PPP4R2: variants seen among roughly 807,000 people sequenced by gnomAD.
The protein encoded by PPP4R2 is serine/threonine-protein phosphatase 4 regulatory subunit 2.
Under a neutral mutation model 47.2 loss-of-function variants are expected in PPP4R2, and 13 were observed. The ratio of observed to expected loss-of-function variants is 0.28; its 90% CI spans 0.18 to 0.44. The LOEUF is 0.44. PPP4R2 is among the 20% of genes least tolerant of loss of function. PPP4R2 has a pLI of 1.00. For missense variants in PPP4R2, 421 were observed against 491.2 expected, an observed-to-expected ratio of 0.86 and a Z score of 1.35; for synonymous variants, 151 against 163.3, an observed-to-expected ratio of 0.92 and a Z score of 0.57.
At chr3:73,009,744 C>G (rs1483469659) in intron 2 of PPP4R2, among the ~76,000 whole-genome samples, 96 of 152,324 alleles carry the variant, frequency 6.3e-4, no homozygotes, top group Non-Finnish European at 1.0e-4. Context: ...TAGCAAAAAA[C>G]TGAATCGCTG....
intron 3 of PPP4R2, among the ~76,000 whole-genome samples, chr3:73,054,927 A>C (rs1346442620): frequency 6.6e-6 from 1 of 152,156 alleles, no homozygotes; most frequent in Non-Finnish European, 1.5e-5. Context: ...TTGCTACTTT[A>C]TGTTAAGATG....
chr3:73,062,545 A>T (rs1181703933), intron 5 of PPP4R2: 3 of 1,613,992 alleles, frequency 1.9e-6, no homozygotes, highest in Admixed American at 3.3e-5. Context: ...GTGGTTGGGA[A>T]TGAGAACGAG....
chr3:72,997,965 T>A (rs1701384212), intron 1 of PPP4R2, 112 bp from the exon 2 acceptor site: 1 of 775,086 alleles, frequency 1.3e-6, no homozygotes, highest in African/African-American at 1.8e-5. Flanking sequence ...GGCCTTATTT[T>A]TTTAATTTTG....
chr3:73,044,295 A>G (rs113441005), intron 2 of PPP4R2, among the ~76,000 whole-genome samples: 84 of 152,264 alleles, frequency 5.5e-4, no homozygotes, highest in African/African-American at 1.6e-3. Context: ...CCTACCAGCA[A>G]TGCACAAGAG....
At chr3:73,037,164 G>GA (rs1416035432) in intron 2 of PPP4R2, among the ~76,000 whole-genome samples, 2 of 151,970 alleles carry the variant, frequency 1.3e-5, no homozygotes, top group African/African-American at 4.8e-5. Context: ...CTACACCCAA[G>GA]AAAAAAATTC....
chr3:73,062,414 A>C (rs756136152), intron 5 of PPP4R2: 15 of 1,611,290 alleles, frequency 9.3e-6, no homozygotes, highest in Admixed American at 1.7e-5. Context: ...AGTCTATGCT[A>C]GACCCAGCAC....
intron 2 of PPP4R2, among the ~76,000 whole-genome samples, chr3:73,003,761 C>G (rs528382624): frequency 1.7e-4 from 26 of 151,832 alleles, no homozygotes; most frequent in Non-Finnish European, 3.1e-4. Flanking sequence ...TGCAGTGGTG[C>G]GATCTTGACT....
At chr3:73,018,452 T>TATTATG in intron 2 of PPP4R2, among the ~76,000 whole-genome samples, 1 of 96,506 alleles carries the variant, frequency 1.0e-5, no homozygotes, top group Non-Finnish European at 2.3e-5. Context: ...TGTTATGTTA[T>TATTATG]TTATGTTATG....
chr3:73,060,657 A>C (rs1324874496), intron 4 of PPP4R2, among the ~76,000 whole-genome samples: 1 of 152,208 alleles, frequency 6.6e-6, no homozygotes, highest in African/African-American at 2.4e-5. Flanking sequence ...TTGCTTTGTA[A>C]GGAAAATCAA....
At chr3:73,063,639 A>C (rs1385229659) in intron 5 of PPP4R2, 34 bp from the exon 6 acceptor site, 5 of 1,314,288 alleles carry the variant, frequency 3.8e-6, no homozygotes, top group Non-Finnish European at 5.5e-6. Flanking sequence ...AAAAAAAATT[A>C]AGTCATCCAC....
At chr3:73,035,590 A>T (rs1702246465) in intron 2 of PPP4R2, among the ~76,000 whole-genome samples, 2 of 152,132 alleles carry the variant, frequency 1.3e-5, no homozygotes, top group Non-Finnish European at 2.9e-5. Context: ...TCCAAAAGAA[A>T]AGAAATCAGT....
At chr3:73,020,022 G>GAATACATACAA (rs1159583261) in intron 2 of PPP4R2, among the ~76,000 whole-genome samples, 1 of 152,084 alleles carries the variant, frequency 6.6e-6, no homozygotes, top group Non-Finnish European at 1.5e-5. Flanking sequence ...CATATGTCAC[G>GAATACATACAA]ATTTCTTCAA....
intron 2 of PPP4R2, among the ~76,000 whole-genome samples, chr3:73,022,155 C>T (rs1450215459): frequency 6.6e-6 from 1 of 152,006 alleles, no homozygotes; most frequent in East Asian, 1.9e-4. Context: ...CCTTGGCCTC[C>T]TAAAGTGCTG....
chr3:73,047,076 C>T (rs1702501124), intron 2 of PPP4R2, 110 bp from the exon 3 acceptor site: 6 of 617,908 alleles, frequency 9.7e-6, no homozygotes, highest in East Asian at 2.9e-5. Flanking sequence ...TAATTATTCA[C>T]ATCTTAATTT....
At chr3:73,064,689 T>A (rs1450523522) in intron 7 of PPP4R2, among the ~76,000 whole-genome samples, 163 bp from the exon 8 acceptor site, 1 of 152,228 alleles carries the variant, frequency 6.6e-6, no homozygotes, top group African/African-American at 2.4e-5. Flanking sequence ...TCAAACAGTT[T>A]AGTTTACCTT....
At chr3:73,044,484 G>T (rs966210472) in intron 2 of PPP4R2, among the ~76,000 whole-genome samples, 10 of 152,162 alleles carry the variant, frequency 6.6e-5, no homozygotes, top group African/African-American at 2.2e-4. Flanking sequence ...TACTTGGGAG[G>T]CTGAAGCAGG....
intron 3 of PPP4R2, among the ~76,000 whole-genome samples, chr3:73,056,627 T>A (rs1401772159): frequency 6.6e-6 from 1 of 152,176 alleles, no homozygotes; most frequent in East Asian, 1.9e-4. Context: ...AATAAGGATC[T>A]TTTGAAAAAA....
rs761618971 is a variant in PPP4R2, at chr3:73,033,157, A to AT, written c.117-14021dup. Among the ~76,000 whole-genome samples, 6 of 152,086 alleles carry AT rather than the reference A, an allele frequency of 3.9e-5. No individual in the cohort carries two copies. In the South Asian group the frequency reaches 6.2e-4, roughly 16 times the overall value. On this transcript the variant is annotated intron_variant, in intron 2 of 8. Coordinates refer to ENST00000356692, the MANE Select transcript of PPP4R2 (RefSeq NM_174907.4). Reference sequence around the variant, plus strand: ...TGGAATGAGAGGAGGCACAATAACAATTTTTTTTGTTTTGTACTTTTAGTG... The same window carrying AT: ...TGGAATGAGAGGAGGCACAATAACAATTTTTTTTTGTTTTGTACTTTTAGTG...
chr3:73,050,472 T>C (rs561211599), intron 3 of PPP4R2, among the ~76,000 whole-genome samples: 3 of 152,112 alleles, frequency 2.0e-5, no homozygotes, highest in Admixed American at 6.5e-5. Context: ...TATAGTTTTT[T>C]AAAATATTTA....
Sources: gnomAD v4.1 joint callset for allele counts (sites outside exome capture counted in the v4.1 genomes callset) on GRCh38, gnomAD v4.1.1 for gene constraint, MANE v1.5 for transcripts, NCBI Gene and HGNC (gene_info 2026-07-23, HGNC 2026-07-21) for gene names.